Variants in DLG1 observed in about 807,000 individuals in gnomAD.
DLG1 encodes disks large homolog 1.
Under a neutral mutation model 123.4 loss-of-function variants are expected in DLG1, and 42 were observed. That is an observed-to-expected ratio of 0.34 (90% CI 0.27 to 0.44). The LOEUF is 0.44. Ranked by LOEUF, DLG1 falls within the 20% of genes least tolerant of loss-of-function variation. The probability of loss-of-function intolerance (pLI) is 1.00; values close to 1 mark genes in which losing one functional copy is unlikely to be tolerated. For synonymous variants in DLG1, 317 were observed against 356.2 expected, an observed-to-expected ratio of 0.89 and a Z score of 1.24; for missense variants, 942 against 1,082.6, an observed-to-expected ratio of 0.87 and a Z score of 1.82.
chr3:197,085,298 G>C (rs924938047), intron 16 of DLG1: 9 of 390,148 alleles, frequency 2.3e-5, no homozygotes, highest in Non-Finnish European at 3.8e-5. Context: ...ATGCTTACAT[G>C]TTGGAGGTGC....
chr3:197,145,193 G>T (rs1015258050), intron 6 of DLG1, among the ~76,000 whole-genome samples: 5 of 152,082 alleles, frequency 3.3e-5, no homozygotes, highest in Admixed American at 6.6e-5. Context: ...CCTTTGTTAC[G>T]AGTAAAATTT....
At chr3:197,106,144 A>G (rs1034771183) in intron 13 of DLG1, among the ~76,000 whole-genome samples, 1 of 152,154 alleles carries the variant, frequency 6.6e-6, no homozygotes, top group Non-Finnish European at 1.5e-5. Flanking sequence ...GGTGGCTCAC[A>G]CCTGTTATCC....
intron 11 of DLG1, among the ~76,000 whole-genome samples, chr3:197,122,383 A>G (rs1256398149): frequency 6.6e-6 from 1 of 152,126 alleles, no homozygotes; most frequent in African/African-American, 2.4e-5. Context: ...TGTGTCCCCC[A>G]GTTTGTGAAC....
intron 23 of DLG1, 62 bp from the exon 24 acceptor site, chr3:197,051,730 G>T: frequency 7.8e-7 from 1 of 1,274,982 alleles, no homozygotes. Context: ...AAAAAAGATG[G>T]CAAAGGAGAG....
chr3:197,274,528 G>A (rs921085948), intron 4 of DLG1, among the ~76,000 whole-genome samples: 12 of 152,050 alleles, frequency 7.9e-5, no homozygotes, highest in African/African-American at 2.7e-4. Flanking sequence ...GATACGATAC[G>A]AAAACATTGG....
intron 11 of DLG1, among the ~76,000 whole-genome samples, chr3:197,121,475 A>C (rs191543177): frequency 1.3e-5 from 2 of 152,156 alleles, no homozygotes; most frequent in Admixed American, 1.3e-4. Flanking sequence ...CCATGCAGCT[A>C]AAGAGAATAT....
chr3:197,076,027 T>C (rs1419189760), intron 18 of DLG1, among the ~76,000 whole-genome samples: 2 of 152,232 alleles, frequency 1.3e-5, no homozygotes, highest in African/African-American at 4.8e-5. Flanking sequence ...TCTAGAACTT[T>C]GAAATGAGCT....
intron 15 of DLG1, among the ~76,000 whole-genome samples, chr3:197,086,810 A>C (rs1266434488): frequency 3.9e-5 from 6 of 152,180 alleles, no homozygotes; most frequent in Non-Finnish European, 8.8e-5. Flanking sequence ...ATAGAAAATA[A>C]AGTACCTTAA....
chr3:197,205,212 G>A (rs1223203973), intron 4 of DLG1, among the ~76,000 whole-genome samples: 3 of 151,898 alleles, frequency 2.0e-5, no homozygotes, highest in African/African-American at 4.8e-5. Flanking sequence ...AATACAATAC[G>A]AACAAAATTG....
rs138832676 is a variant in DLG1, at chr3:197,270,260, T to C, written c.318+12419A>G. 2.1e-3 allele frequency among the ~76,000 whole-genome samples: 318 copies of C among 152,282 alleles called. 3 individuals carry two copies. The highest frequency in any genetic ancestry group is 0.016 in the East Asian group (84 of 5,186). On this transcript the variant is annotated intron_variant, in intron 4 of 24. Coordinates refer to ENST00000667157, the MANE Select transcript of DLG1 (RefSeq NM_001366207.1). ...AAAACACAGATACTCCTTCAAGTGA[T>C]TCGTCTAGTCAAATATGAAGTAATA...
chr3:197,167,242 G>A (rs1241399471), intron 5 of DLG1, among the ~76,000 whole-genome samples: 1 of 152,122 alleles, frequency 6.6e-6, no homozygotes, highest in Non-Finnish European at 1.5e-5. Context: ...AAAATGTAAT[G>A]ATGGAATTAT....
chr3:197,241,929 A>G (rs1159230664), intron 4 of DLG1, among the ~76,000 whole-genome samples: 1 of 152,180 alleles, frequency 6.6e-6, no homozygotes, highest in Non-Finnish European at 1.5e-5. Context: ...AAACAATCAG[A>G]AAACAAGCAA....
chr3:197,101,331 A>T (rs1763321018), intron 14 of DLG1, among the ~76,000 whole-genome samples: 1 of 152,158 alleles, frequency 6.6e-6, no homozygotes, highest in African/African-American at 2.4e-5. Context: ...AATAAACATA[A>T]CATGGTTCGT....
At chr3:197,054,068 C>T (rs1729884399) in intron 23 of DLG1, among the ~76,000 whole-genome samples, 1 of 152,128 alleles carries the variant, frequency 6.6e-6, no homozygotes, top group Admixed American at 6.5e-5. Context: ...TGCACTCCAG[C>T]CTGGGTGACA....
At chr3:197,110,085 TTC>T (rs575778512) in intron 13 of DLG1, among the ~76,000 whole-genome samples, 153 of 152,318 alleles carry the variant, frequency 1.0e-3, no homozygotes, top group African/African-American at 3.4e-3. Context: ...TTCTTCTTTT[TTC>T]TCTCTTTCCC....
At chr3:197,273,186 A>ATGTGTGTGTG (rs1365600529) in intron 4 of DLG1, among the ~76,000 whole-genome samples, 17 of 117,284 alleles carry the variant, frequency 1.4e-4, no homozygotes, top group African/African-American at 3.2e-4. Context: ...TACACTGAAT[A>ATGTGTGTGTG]TATGTGTGTG....
At position 197,122,127 on chromosome 3, in the gene DLG1, T is replaced by TA. The variant is rs1240587566; in HGVS notation, c.1166-2598dup. The stretch of plus-strand genomic sequence containing the variant: ...TAAGCAGTTCAAAATCAATGATATA[T>TA]AATATATATTATAAGGATGTGGGTT... On this transcript the variant is annotated intron_variant, in intron 11 of 24. Coordinates refer to ENST00000667157, the MANE Select transcript of DLG1 (RefSeq NM_001366207.1). Among the ~76,000 whole-genome samples, 4 of 152,096 alleles carry TA rather than the reference T, an allele frequency of 2.6e-5. 1 individual carries two copies. In the South Asian group the frequency reaches 8.3e-4, roughly 32 times the overall value.
At chr3:197,184,153 G>C (rs566755729) in intron 5 of DLG1, 2 of 1,044,088 alleles carry the variant, frequency 1.9e-6, no homozygotes, top group South Asian at 3.4e-5. Context: ...TTGAAATCCA[G>C]GAAGTGAGGT....
intron 5 of DLG1, among the ~76,000 whole-genome samples, chr3:197,157,509 A>T (rs762533289): frequency 1.3e-5 from 2 of 152,208 alleles, no homozygotes; most frequent in Non-Finnish European, 2.9e-5. Flanking sequence ...AACTTGGGCA[A>T]TGAAAACTAT....
Sources: gnomAD v4.1 joint callset for allele counts (sites outside exome capture counted in the v4.1 genomes callset) on GRCh38, gnomAD v4.1.1 for gene constraint, MANE v1.5 for transcripts, NCBI Gene and HGNC (gene_info 2026-07-23, HGNC 2026-07-21) for gene names.